The following NLRP4 variants were observed in gnomAD, a reference collection of about 807,000 sequenced individuals.
The protein encoded by NLRP4 is NACHT, LRR and PYD domains-containing protein 4.
In NLRP4, 44 loss-of-function variants were observed where a neutral mutation model predicts 84.7. The ratio of observed to expected loss-of-function variants is 0.52; its 90% CI spans 0.41 to 0.67. The LOEUF is 0.67. Ranked by LOEUF, NLRP4 falls within the 30% of genes least tolerant of loss-of-function variation. The pLI is 0.00. For missense variants in NLRP4, 1,260 were observed against 1,219.4 expected (o/e 1.03, Z -0.50); for synonymous variants, 544 against 476.4 (o/e 1.14, Z -1.85).
chr19:55,859,941 A>AC (rs1984666693), intron 3 of NLRP4, among the ~76,000 whole-genome samples: 1 of 144,484 alleles, frequency 6.9e-6, no homozygotes, highest in Non-Finnish European at 1.5e-5. Context: ...AAAAAAAAAA[A>AC]AAAAAAAAAA....
intron 1 of NLRP4, among the ~76,000 whole-genome samples, chr19:55,850,691 G>A (rs1166918227): frequency 1.4e-5 from 2 of 139,116 alleles, no homozygotes; most frequent in Non-Finnish European, 3.0e-5. Context: ...TGTAATGTCC[G>A]TGGCTGCGGT....
At chr19:55,850,328 T>C (rs1231537432) in intron 1 of NLRP4, among the ~76,000 whole-genome samples, 3 of 59,712 alleles carry the variant, frequency 5.0e-5, no homozygotes, top group South Asian at 1.4e-3. Flanking sequence ...CGGTGTAATT[T>C]CCGAGGCTGC....
At chr19:55,876,647 G>A (rs1985383060) in intron 7 of NLRP4, among the ~76,000 whole-genome samples, 1 of 152,104 alleles carries the variant, frequency 6.6e-6, no homozygotes, top group African/African-American at 2.4e-5. Context: ...ACACGCATGA[G>A]CCACCGCATC....
In NLRP4 at chr19:55,860,799, G is replaced by A. The variant is rs566841184; in HGVS notation, c.1857-587G>A. Among the ~76,000 whole-genome samples, 40 of 152,098 alleles carry A rather than the reference G, an allele frequency of 2.6e-4. 1 individual carries two copies. The highest frequency in any genetic ancestry group is 2.5e-3 in the South Asian group (12 of 4,816). ...TGTAAACCAGCCTGACCAACATGGC[G>A]AAACCCCGTCTCTACTAAAAATACA... On this transcript the variant is annotated intron_variant, in intron 3 of 9. Transcript: ENST00000301295.
At position 55,867,961 on chromosome 19, in the gene NLRP4, T is replaced by G. The variant is rs1985027201; in HGVS notation, c.2354+85T>G. The G allele has an allele frequency of 1.1e-5, 13 of 1,193,338 alleles. No homozygotes were observed. In the South Asian group the frequency reaches 1.5e-4, roughly 14 times the overall value. The allele number at this position is 1,193,338 out of a possible 1,614,324, so 73.9% of individuals were successfully genotyped here. A position where few individuals can be genotyped will look rare whatever the true frequency, so the allele number is the denominator to read the frequency against. ...CTATTGATGACAGTCTGCTCATTGA[T>G]GGAGGCCACATAGCGGAGGTTTAAA... On this transcript the variant is annotated intron_variant, in intron 6 of 9. Transcript: ENST00000301295.
In NLRP4 at chr19:55,871,298, G is replaced by A. The variant is rs138253383; in HGVS notation, c.2525+301G>A. ...AATTTCATGGCGAAGATGATATTTG[G>A]TGTGTGTTCTACAAAATGAATGCAC... On this transcript the variant is annotated intron_variant, in intron 7 of 9. Coordinates refer to ENST00000301295, the MANE Select transcript of NLRP4 (RefSeq NM_134444.5). Among the ~76,000 whole-genome samples, 42 of 152,272 alleles carry A rather than the reference G, an allele frequency of 2.8e-4. No individual in the cohort carries two copies. The East Asian group carries it at 8.1e-3, about 29-fold the overall frequency.
At chr19:55,870,062 C>T (rs1020453337) in intron 6 of NLRP4, among the ~76,000 whole-genome samples, 1 of 151,612 alleles carries the variant, frequency 6.6e-6, no homozygotes, top group Non-Finnish European at 1.5e-5. Flanking sequence ...CATGCCACTG[C>T]ACTCCAGCCT....
chr19:55,865,922 T>G (rs1440544846), intron 5 of NLRP4, among the ~76,000 whole-genome samples: 2 of 152,246 alleles, frequency 1.3e-5, no homozygotes, highest in Non-Finnish European at 2.9e-5. Flanking sequence ...GCTTCTAATC[T>G]GATGAGATGC....
chr19:55,839,418 A>C (rs1196577727), intron 1 of NLRP4, among the ~76,000 whole-genome samples: 1 of 151,448 alleles, frequency 6.6e-6, no homozygotes, highest in Non-Finnish European at 1.5e-5. Flanking sequence ...TTTTTATTTA[A>C]ATTTTGACAT....
At position 55,851,713 on chromosome 19, in the gene NLRP4, A is replaced by AGGCTGCGGTGTAATTTCCGT. The variant is rs1984164842; in HGVS notation, c.-65-284_-65-283insTGGCTGCGGTGTAATTTCCG. On this transcript the variant is annotated intron_variant, in intron 1 of 9. Transcript: ENST00000301295. ...GTCCGAGGCTGCGGTGTAATGTCCG[A>AGGCTGCGGTGTAATTTCCGT]GGCTGCGGTGTAATTTCCGAAGCTG... Among the ~76,000 whole-genome samples the AGGCTGCGGTGTAATTTCCGT allele has an allele frequency of 6.4e-5, 6 of 93,154 alleles. 2 individuals are homozygous for AGGCTGCGGTGTAATTTCCGT. The highest frequency in any genetic ancestry group is 4.0e-4 in the African/African-American group (6 of 15,080). The allele number at this position is 93,154 out of a possible 152,430, so 61.1% of individuals were successfully genotyped here. A position where few individuals can be genotyped will look rare whatever the true frequency, so the allele number is the denominator to read the frequency against.
At chr19:55,842,599 C>G (rs1284041710) in intron 1 of NLRP4, among the ~76,000 whole-genome samples, 1 of 151,924 alleles carries the variant, frequency 6.6e-6, no homozygotes, top group Non-Finnish European at 1.5e-5. Context: ...AAGACTGACT[C>G]TATAAAGCAA....
At position 55,852,509 on chromosome 19, in the gene NLRP4, G is replaced by A. The variant is rs112553539; in HGVS notation, c.280+149G>A. The A allele has an allele frequency of 0.017, 9,686 of 553,856 alleles. 804 individuals are homozygous for A. The African/African-American group carries it at 0.18, about 10-fold the overall frequency. The allele number at this position is 553,856 out of a possible 1,614,324, so 34.3% of individuals were successfully genotyped here. ...TTTTTTTTTTTTGGTAGACGGAGTC[G>A]CACTTTGTTGCCCAGACAGTGCAGT... On this transcript the variant is annotated intron_variant, in intron 2 of 9. Coordinates refer to ENST00000301295, the MANE Select transcript of NLRP4 (RefSeq NM_134444.5).
chr19:55,848,729 T>C (rs1002961498), intron 1 of NLRP4, among the ~76,000 whole-genome samples: 9 of 152,170 alleles, frequency 5.9e-5, no homozygotes, highest in African/African-American at 2.2e-4. Context: ...AAGAAGTCTC[T>C]ATGTACAACC....
intron 2 of NLRP4, among the ~76,000 whole-genome samples, chr19:55,853,217 T>C (rs12610772): frequency 0.15 from 22,827 of 152,258 alleles, 3,069 homozygotes; most frequent in African/African-American, 0.36. Context: ...TTTTCTTTGT[T>C]GTTGTTCAGT....
chr19:55,857,729 C>T lies in NLRP4; in HGVS notation c.336C>T (p.Ser112=), dbSNP rs147356242. 1,048 of 1,613,690 alleles carry T rather than the reference C, an allele frequency of 6.5e-4. 8 individuals are homozygous for T. In the African/African-American group the frequency reaches 0.012, roughly 19 times the overall value. Residue 112 remains serine, a synonymous_variant, in exon 3 of 10, where the codon TCC becomes TCT. Transcript: ENST00000301295. ...HAKQKFSRLW[S]SKSVTEIHLY... ...AGCAGAAATTCAGCCGCTTATGGTC[C>T]AGCAAGTCTGTCACTGAGATTCACC... is the stretch of plus-strand genomic sequence containing the variant.
chr19:55,839,964 AC>A (rs1354439054), intron 1 of NLRP4, among the ~76,000 whole-genome samples: 4 of 152,198 alleles, frequency 2.6e-5, no homozygotes, highest in Non-Finnish European at 4.4e-5. Context: ...TTCATAGATT[AC>A]TTAGAAGTAT....
chr19:55,845,493 G>A (rs1241040463), intron 1 of NLRP4, among the ~76,000 whole-genome samples: 5 of 152,094 alleles, frequency 3.3e-5, no homozygotes, highest in East Asian at 1.9e-4. Flanking sequence ...ACATACGTGT[G>A]CATGTGTCTT....
At position 55,858,612 on chromosome 19, in the gene NLRP4, A is replaced by G. The variant is rs1406900258; in HGVS notation, c.1219A>G (p.Met407Val). ...CCTGTGCTCCCTGGCTGCAGAGGGT[A>G]TGTGGACAGACACATTTGAGTTTTG... ...KALCSLAAEG[M>V]WTDTFEFCED... Residue 407 changes from methionine to valine, a missense_variant, in exon 3 of 10, where the codon ATG becomes GTG. By Grantham distance (21) the Met-to-Val change is conservative (BLOSUM62 1). Around this residue, in one of 3 missense-constraint regions of NLRP4, gnomAD observed 712 missense variants for 669.2 expected, o/e 1.06. Coordinates refer to ENST00000301295, the MANE Select transcript of NLRP4 (RefSeq NM_134444.5). This position sits in a 1 kb window ranked among gnomAD's most constrained non-coding sequence, Gnocchi z 4.2. 1 of 1,614,146 alleles carries G rather than the reference A, an allele frequency of 6.2e-7. No individual in the cohort carries two copies. The highest frequency in any genetic ancestry group is 1.1e-5 in the South Asian group (1 of 91,078).
intron 1 of NLRP4, among the ~76,000 whole-genome samples, chr19:55,844,107 C>T (rs1470022528): frequency 6.6e-6 from 1 of 152,070 alleles, no homozygotes; most frequent in African/African-American, 2.4e-5. Context: ...GCTAATAAGT[C>T]CAAAATCAAG....
Sources: allele counts gnomAD v4.1 joint callset (sites outside exome capture counted in the v4.1 genomes callset), GRCh38; gene constraint gnomAD v4.1.1; regional missense constraint gnomAD v4.1.1; non-coding constraint Gnocchi (gnomAD v3.1); transcripts MANE v1.5; gene names NCBI Gene and HGNC (gene_info 2026-07-23, HGNC 2026-07-21).